Variants in TIAL1 observed in about 807,000 individuals in gnomAD.
TIAL1 encodes TIA1 cytotoxic granule associated RNA binding protein like 1.
A neutral mutation model predicts 59.7 loss-of-function variants in TIAL1; 7 were observed. The ratio of observed to expected loss-of-function variants is 0.12; its 90% CI spans 0.07 to 0.22. The LOEUF (loss-of-function observed/expected upper bound fraction) is 0.22. Ranked by LOEUF, TIAL1 falls within the 10% of genes least tolerant of loss-of-function variation. TIAL1 has a pLI of 1.00. For missense variants in TIAL1, 225 were observed against 462.5 expected (o/e 0.49, Z 4.71); for synonymous variants, 149 against 146.3 (o/e 1.02, Z -0.13).
At chr10:119,595,039 G>C (rs1846089514) in intron 1 of TIAL1, among the ~76,000 whole-genome samples, 1 of 152,156 alleles carries the variant, frequency 6.6e-6, no homozygotes, top group East Asian at 1.9e-4. Flanking sequence ...TGAAGCATTG[G>C]ATGTGCTTCA....
chr10:119,586,348 C>G (rs1450918047), intron 2 of TIAL1, among the ~76,000 whole-genome samples: 2 of 152,156 alleles, frequency 1.3e-5, no homozygotes, highest in Non-Finnish European at 2.9e-5. Context: ...CCAACCCAGT[C>G]CTATCAATTC....
At position 119,573,776 on chromosome 10, in the gene TIAL1, G is replaced by T. The variant is rs3009878; in HGVS notation, c.*1889C>A. On this transcript the variant is annotated 3_prime_UTR_variant, in exon 12 of 12. Transcript: ENST00000436547. ...GATACTATAAACAAAAGAAATAAGG[G>T]TATATTTTATAACAGAAGAGTGTAA... The T allele has an allele frequency of 6.6e-6, 1 of 152,046 alleles. No individual in the cohort carries two copies. The highest frequency in any genetic ancestry group is 1.5e-5 in the Non-Finnish European group (1 of 68,032). The allele number at this position is 152,046 out of a possible 1,614,324, so 9.4% of individuals were successfully genotyped here.
At chr10:119,585,646 G>C (rs866113317) in intron 2 of TIAL1, among the ~76,000 whole-genome samples, 1 of 152,056 alleles carries the variant, frequency 6.6e-6, no homozygotes, top group Admixed American at 6.6e-5. Flanking sequence ...TATACATGGG[G>C]TTTTAAAAAA....
intron 1 of TIAL1, among the ~76,000 whole-genome samples, chr10:119,589,166 T>C (rs1845723983): frequency 6.6e-6 from 1 of 152,146 alleles, no homozygotes; most frequent in African/African-American, 2.4e-5. Context: ...CAGGGTAAAA[T>C]ATAAAATTTC....
chr10:119,576,828 A>C (rs1845017971), intron 10 of TIAL1, 78 bp from the exon 11 acceptor site: 1 of 1,553,590 alleles, frequency 6.4e-7, no homozygotes, highest in Non-Finnish European at 8.7e-7. Flanking sequence ...GACAAGGAAG[A>C]GAAAAACTAA....
At position 119,582,307 on chromosome 10, in the gene TIAL1, C is replaced by A; in HGVS notation, c.229-84G>T. On this transcript the variant is annotated intron_variant, in intron 3 of 11. Transcript: ENST00000436547. The surrounding 1 kb of genome is among the most constrained non-coding windows in gnomAD (Gnocchi z 5.1). ...ACCACTTATTAAATCATTTATCAAG[C>A]AGGGTTATTTTTGTAAAAGCACTAA... is the stretch of plus-strand genomic sequence containing the variant. The A allele has an allele frequency of 6.8e-7, 1 of 1,470,672 alleles. No individual in the cohort carries two copies. Among genetic ancestry groups the A allele is most frequent in the South Asian group, 1.3e-5 (1 of 75,544 alleles). 91.1% of individuals were successfully genotyped at this position (1,470,672 alleles called of 1,614,324 possible). A position where few individuals can be genotyped will look rare whatever the true frequency, so the allele number is the denominator to read the frequency against.
intron 2 of TIAL1, among the ~76,000 whole-genome samples, chr10:119,587,218 C>T (rs966405864): frequency 4.6e-5 from 7 of 152,296 alleles, no homozygotes; most frequent in African/African-American, 7.2e-5. Flanking sequence ...CCATCTCTTA[C>T]GACTAATTCC....
intron 1 of TIAL1, among the ~76,000 whole-genome samples, chr10:119,594,814 G>A (rs528428894): frequency 3.9e-4 from 59 of 152,126 alleles, no homozygotes; most frequent in Admixed American, 1.8e-3. Flanking sequence ...TTGTAGAGAC[G>A]GAGTTTCACC....
In TIAL1 at chr10:119,582,851, T is replaced by C. The variant is rs1023104990; in HGVS notation, c.130-294A>G. Among the ~76,000 whole-genome samples, 16 of 152,194 alleles carry C rather than the reference T, an allele frequency of 1.1e-4. No homozygotes were observed. The highest frequency in any genetic ancestry group is 3.9e-4 in the African/African-American group (16 of 41,534). ...GTTAAATATAAAATAGAAGATTATA[T>C]TAAACCAAACAAAACCTCAAACTCA... On this transcript the variant is annotated intron_variant, in intron 2 of 11. Coordinates refer to ENST00000436547, the MANE Select transcript of TIAL1 (RefSeq NM_003252.4). This position sits in a 1 kb window ranked among gnomAD's most constrained non-coding sequence, Gnocchi z 5.1.
intron 2 of TIAL1, among the ~76,000 whole-genome samples, chr10:119,584,411 A>G (rs903894827): frequency 3.3e-5 from 5 of 152,252 alleles, no homozygotes; most frequent in South Asian, 4.1e-4. Flanking sequence ...ACTATGGGGG[A>G]AAAAGGATTT....
intron 5 of TIAL1, 28 bp downstream of exon 5, chr10:119,581,894 T>G (rs755822315): frequency 1.3e-6 from 2 of 1,503,872 alleles, no homozygotes; most frequent in South Asian, 1.2e-5. Context: ...CTATCATGAC[T>G]GAGTGTAGTA....
intron 2 of TIAL1, among the ~76,000 whole-genome samples, chr10:119,586,727 C>T (rs1320232700): frequency 6.6e-6 from 1 of 152,166 alleles, no homozygotes; most frequent in African/African-American, 2.4e-5. Flanking sequence ...CTCTAGCCAT[C>T]GGTCTTTGAT....
At chr10:119,590,793 A>AAAGG (rs1845833544) in intron 1 of TIAL1, among the ~76,000 whole-genome samples, 1 of 147,408 alleles carries the variant, frequency 6.8e-6, no homozygotes, top group South Asian at 2.1e-4. Context: ...AGAAAGAAAG[A>AAAGG]AAGAAAGAAA....
At chr10:119,583,655 C>G (rs182799107) in intron 2 of TIAL1, among the ~76,000 whole-genome samples, 3 of 152,198 alleles carry the variant, frequency 2.0e-5, no homozygotes, top group Admixed American at 6.5e-5. Context: ...TCTTTTCAAC[C>G]ACAACAGTTT....
rs1194917447 is a variant in TIAL1 at position 119,573,548 on chromosome 10, TGTTA to T, written c.*2113_*2116del. 1 of 152,600 alleles carries T rather than the reference TGTTA, an allele frequency of 6.6e-6. No individual in the cohort carries two copies. Among genetic ancestry groups the T allele is most frequent in the Non-Finnish European group, 1.5e-5 (1 of 68,034 alleles). 9.5% of individuals were successfully genotyped at this position (152,600 alleles called of 1,614,324 possible). ...AGGAAACACTACAGCTATATTTAGC[TGTTA>T]GTTATCTCAATAAGCTACTTAATTT... On this transcript the variant is annotated 3_prime_UTR_variant, in exon 12 of 12. Transcript: ENST00000436547.
rs1844871220 is a variant in TIAL1 at position 119,574,586 on chromosome 10, C to CAAAAAAAAAAAAAAAGAAA, written c.*1078_*1079insTTTCTTTTTTTTTTTTTTT. 1 of 86,550 alleles carries CAAAAAAAAAAAAAAAGAAA rather than the reference C, an allele frequency of 1.2e-5. No individual in the cohort carries two copies. The allele number at this position is 86,550 out of a possible 1,614,324, so 5.4% of individuals were successfully genotyped here. A position where few individuals can be genotyped will look rare whatever the true frequency, so the allele number is the denominator to read the frequency against. On this transcript the variant is annotated 3_prime_UTR_variant, in exon 12 of 12. Transcript: ENST00000436547. ...TATTTACATACCAAGTAATGTAAAGCAAAAAAAAAAAAAAAAAAAAACAAA... is the reference window on the plus strand; with the variant it reads ...TATTTACATACCAAGTAATGTAAAGCAAAAAAAAAAAAAAAGAAAAAAAAAAAAAAAAAAAAAAAACAAA...
intron 2 of TIAL1, among the ~76,000 whole-genome samples, chr10:119,587,219 G>A (rs906601708): frequency 6.6e-6 from 1 of 152,140 alleles, no homozygotes; most frequent in African/African-American, 2.4e-5. Flanking sequence ...CATCTCTTAC[G>A]ACTAATTCCA....
chr10:119,577,406 G>T, intron 9 of TIAL1, 45 bp downstream of exon 9: 1 of 1,548,722 alleles, frequency 6.5e-7, no homozygotes. Context: ...TGAAAGGAAT[G>T]AATCAAATAT....
chr10:119,587,160 T>C (rs1413031908), intron 2 of TIAL1, among the ~76,000 whole-genome samples: 2 of 152,242 alleles, frequency 1.3e-5, no homozygotes, highest in East Asian at 1.9e-4. Context: ...CGTTTCAGGA[T>C]AAAACAAACT....
Sources: gnomAD v4.1 joint callset for allele counts (sites outside exome capture counted in the v4.1 genomes callset) on GRCh38, gnomAD v4.1.1 for gene constraint, Gnocchi (gnomAD v3.1) non-coding constraint, MANE v1.5 for transcripts, NCBI Gene and HGNC (gene_info 2026-07-23, HGNC 2026-07-21) for gene names.